The following TBL1X variants were observed in gnomAD, a reference collection of about 807,000 sequenced individuals.
TBL1X encodes the protein transducin beta like 1 X-linked.
In TBL1X, 10 loss-of-function variants were observed where a neutral mutation model predicts 50.7. The ratio of observed to expected loss-of-function variants is 0.20; its 90% CI spans 0.12 to 0.33. The LOEUF is 0.33. Ranked by LOEUF, TBL1X falls within the 10% of genes least tolerant of loss-of-function variation. TBL1X has a pLI of 1.00. For missense variants in TBL1X, 340 were observed against 504.4 expected (o/e 0.67, Z 3.12); for synonymous variants, 190 against 214.7 (o/e 0.88, Z 1.01).
At chrX:9,575,920 G>T (rs1284463256) in intron 2 of TBL1X, among the ~76,000 whole-genome samples, 1 of 111,734 alleles carries the variant, frequency 8.9e-6, no homozygotes, top group African/African-American at 3.3e-5. Flanking sequence ...TCTGTTGTCA[G>T]TGTGGACATA....
chrX:9,696,920 C>T (rs1198252409), intron 11 of TBL1X, among the ~76,000 whole-genome samples: 1 of 112,132 alleles, frequency 8.9e-6, no homozygotes, highest in African/African-American at 3.2e-5. Context: ...TCAGGGTCAT[C>T]GCCAAGGTCT....
chrX:9,659,685 G>C (rs1156991774), intron 5 of TBL1X, among the ~76,000 whole-genome samples: 1 of 112,214 alleles, frequency 8.9e-6, no homozygotes, highest in Non-Finnish European at 1.9e-5. Context: ...CCAGAAACCA[G>C]TGCATTCTTT....
chrX:9,483,023 A>G (rs895158570), intron 1 of TBL1X, among the ~76,000 whole-genome samples: 7 of 110,970 alleles, frequency 6.3e-5, no homozygotes, highest in Non-Finnish European at 9.4e-5. Context: ...CCCAGGGGAC[A>G]GTTTTGGTTG....
intron 2 of TBL1X, among the ~76,000 whole-genome samples, chrX:9,581,381 G>A (rs1157665709): frequency 3.6e-5 from 4 of 111,770 alleles, no homozygotes; most frequent in Non-Finnish European, 7.5e-5. Flanking sequence ...AGTTCACACC[G>A]TGCCCCCTGT....
intron 3 of TBL1X, among the ~76,000 whole-genome samples, chrX:9,650,390 C>T (rs1474765960): frequency 1.8e-5 from 2 of 111,592 alleles, no homozygotes; most frequent in African/African-American, 3.3e-5. Context: ...CTAGGCATGG[C>T]AAACAAGAAG....
Position 9,719,272 on chromosome X carries a change from C to T in TBL1X, c.*3026C>T, listed in dbSNP as rs1168959629. The T allele has an allele frequency of 1.5e-4, 17 of 112,048 alleles. No individual in the cohort carries two copies. The highest frequency in any genetic ancestry group is 5.5e-4 in the African/African-American group (17 of 30,672). 9.2% of individuals were successfully genotyped at this position (112,048 alleles called of 1,213,427 possible). On this transcript the variant is annotated 3_prime_UTR_variant, in exon 18 of 18. Coordinates refer to ENST00000645353, the MANE Select transcript of TBL1X (RefSeq NM_005647.4). ...ACGTTACAGGGTGAAACCCTCTGAC[C>T]CCTCGCGACACCGTAGGACTTGACT...
At chrX:9,537,399 A>G (rs1165208592) in intron 2 of TBL1X, among the ~76,000 whole-genome samples, 1 of 110,507 alleles carries the variant, frequency 9.0e-6, no homozygotes, top group Non-Finnish European at 1.9e-5. Flanking sequence ...TATTCATTAC[A>G]TTGTGCAATC....
At chrX:9,552,167 G>A (rs904359604) in intron 2 of TBL1X, among the ~76,000 whole-genome samples, 4 of 111,462 alleles carry the variant, frequency 3.6e-5, no homozygotes, top group East Asian at 2.8e-4. Context: ...ATCTAGTTTG[G>A]GTGTTTTGGG....
intron 13 of TBL1X, among the ~76,000 whole-genome samples, chrX:9,708,126 T>C (rs1439424016): frequency 8.9e-6 from 1 of 112,012 alleles, no homozygotes; most frequent in African/African-American, 3.3e-5. Flanking sequence ...TGGTACGCCA[T>C]GTCCCCTCAT....
chrX:9,633,396 TTAAAAA>T (rs1330993687), intron 2 of TBL1X, among the ~76,000 whole-genome samples: 3 of 110,909 alleles, frequency 2.7e-5, no homozygotes, highest in Admixed American at 1.9e-4. Context: ...AAAAGTGAAT[TTAAAAA>T]GAAAAAAAGA....
intron 2 of TBL1X, among the ~76,000 whole-genome samples, chrX:9,581,093 A>C (rs2082439073): frequency 1.8e-5 from 2 of 111,646 alleles, no homozygotes; most frequent in Admixed American, 1.9e-4. Flanking sequence ...TATGATTGTC[A>C]TTGTTATTAA....
intron 2 of TBL1X, among the ~76,000 whole-genome samples, chrX:9,528,554 G>T (rs1420959990): frequency 9.1e-6 from 1 of 110,081 alleles, no homozygotes; most frequent in Admixed American, 9.7e-5. Flanking sequence ...GACGTCCCCA[G>T]CCTCTTTGCC....
chrX:9,513,032 C>T (rs971969711), intron 2 of TBL1X, among the ~76,000 whole-genome samples: 2 of 110,744 alleles, frequency 1.8e-5, no homozygotes, highest in African/African-American at 3.3e-5. Context: ...CTGCTTATTC[C>T]GAGAACCAAG....
chrX:9,652,906 C>T (rs964929430), intron 3 of TBL1X, among the ~76,000 whole-genome samples: 3 of 111,235 alleles, frequency 2.7e-5, no homozygotes, highest in African/African-American at 6.5e-5. Context: ...GTGGCTCACG[C>T]CCGTAATCCC....
At chrX:9,672,186 T>G (rs1307242768) in intron 5 of TBL1X, among the ~76,000 whole-genome samples, 1 of 112,227 alleles carries the variant, frequency 8.9e-6, no homozygotes, top group South Asian at 3.7e-4. Flanking sequence ...TAAATTTCAC[T>G]TCCTACTTTA....
intron 5 of TBL1X, among the ~76,000 whole-genome samples, chrX:9,655,463 A>G (rs1415573036): frequency 1.8e-5 from 2 of 111,593 alleles, no homozygotes; most frequent in Non-Finnish European, 3.8e-5. Flanking sequence ...CATTTTAACT[A>G]TTGTTTTTGA....
intron 2 of TBL1X, among the ~76,000 whole-genome samples, chrX:9,513,367 G>A (rs1411460691): frequency 9.0e-6 from 1 of 110,504 alleles, no homozygotes; most frequent in Non-Finnish European, 1.9e-5. Context: ...CAGTGGGGGG[G>A]TGCAGAAGAT....
intron 2 of TBL1X, chrX:9,639,990 A>G (rs1308127262): frequency 8.9e-6 from 1 of 112,341 alleles, no homozygotes; most frequent in Non-Finnish European, 1.9e-5. Flanking sequence ...AGCAGTAGCA[A>G]TAGCTGAGCT....
At chrX:9,605,470 T>C (rs777391739) in intron 2 of TBL1X, among the ~76,000 whole-genome samples, 31 of 112,807 alleles carry the variant, frequency 2.7e-4, no homozygotes, top group Non-Finnish European at 5.4e-4. Flanking sequence ...TAGAAGAGCT[T>C]CTTGCATCTT....
Sources: allele counts gnomAD v4.1 joint callset (sites outside exome capture counted in the v4.1 genomes callset), GRCh38; gene constraint gnomAD v4.1.1; transcripts MANE v1.5; gene names NCBI Gene and HGNC (gene_info 2026-07-23, HGNC 2026-07-21).